IL1RL1: variants seen among roughly 807,000 people sequenced by gnomAD.
IL1RL1 encodes the protein interleukin-1 receptor-like 1.
In IL1RL1, 32 loss-of-function variants were observed where a neutral mutation model predicts 50.9. That is an observed-to-expected ratio of 0.63 (90% confidence interval 0.47 to 0.84). The LOEUF is 0.84. IL1RL1 is among the 40% of genes least tolerant of loss of function. The pLI is 0.00. For synonymous variants in IL1RL1, 275 were observed against 236.0 expected, an observed-to-expected ratio of 1.17 and a Z score of -1.51; for missense variants, 773 against 662.9, an observed-to-expected ratio of 1.17 and a Z score of -1.82.
intron 9 of IL1RL1, 127 bp downstream of exon 9, chr2:102,348,218 A>G: frequency 1.4e-6 from 1 of 714,392 alleles, no homozygotes. Context: ...CTAATCTGTT[A>G]TCAGTGAGTT....
intron 10 of IL1RL1, among the ~76,000 whole-genome samples, chr2:102,350,019 G>A (rs1281739941): frequency 6.6e-6 from 1 of 152,282 alleles, no homozygotes; most frequent in Non-Finnish European, 1.5e-5. Flanking sequence ...AGATGTAAAG[G>A]TATGAACAAC....
In IL1RL1 at chr2:102,316,942, A is replaced by G. The variant is rs1234829143; in HGVS notation, c.-150+5319A>G. 4.6e-5 allele frequency among the ~76,000 whole-genome samples: 7 copies of G among 152,136 alleles called. No individual in the cohort carries two copies. The East Asian group carries it at 5.8e-4, about 13-fold the overall frequency. Reference sequence around the variant, plus strand: ...ATTCAAAGCATTCTGAAATTGTACAACTCGCTCAGCACTTGTATTATTTAC... The same window carrying G: ...ATTCAAAGCATTCTGAAATTGTACAGCTCGCTCAGCACTTGTATTATTTAC... On this transcript the variant is annotated intron_variant, in intron 1 of 10. Transcript: ENST00000233954.
intron 8 of IL1RL1, chr2:102,345,844 G>A (rs1233549128): frequency 2.0e-6 from 2 of 985,316 alleles, no homozygotes; most frequent in African/African-American, 3.5e-5. Flanking sequence ...GCTTGGGGTG[G>A]TGGTGGGCCC....
At chr2:102,337,977 A>G (rs1448524457) in intron 1 of IL1RL1, 139 bp from the exon 2 acceptor site, 1 of 230,144 alleles carries the variant, frequency 4.3e-6, no homozygotes, top group Non-Finnish European at 8.4e-6. Context: ...CAATGCTTGC[A>G]TATCTGAAAC....
At chr2:102,346,793 AC>A (rs1186247576) in intron 8 of IL1RL1, among the ~76,000 whole-genome samples, 2 of 152,216 alleles carry the variant, frequency 1.3e-5, no homozygotes, top group African/African-American at 4.8e-5. Flanking sequence ...GAACTGATAA[AC>A]TATTAGAGGT....
In IL1RL1 at chr2:102,339,022, GGTATTTATACCT is replaced by G; in HGVS notation, c.253_264del (p.Tyr85_Ile88del). On this transcript the variant is annotated inframe_deletion, in exon 3 of 11. Coordinates refer to ENST00000233954, the MANE Select transcript of IL1RL1 (RefSeq NM_016232.5). ...TCTACCAGCTGCAGTTGCTGATTCT[GGTATTTATACCT>G]GTATTGTCAGAAGGTATTATGCAGA... 6.2e-7 allele frequency: 1 copy of G among 1,613,332 alleles called. No individual in the cohort carries two copies. Among genetic ancestry groups the G allele is most frequent in the Non-Finnish European group, 8.5e-7 (1 of 1,179,404 alleles).
chr2:102,348,724 C>T (rs548064904), intron 9 of IL1RL1, among the ~76,000 whole-genome samples: 82 of 152,298 alleles, frequency 5.4e-4, no homozygotes, highest in Middle Eastern at 3.4e-3. Flanking sequence ...AATTTTTTCA[C>T]TTCCCCAGGG....
chr2:102,333,828 A>C (rs951779333), intron 1 of IL1RL1, among the ~76,000 whole-genome samples: 1 of 152,130 alleles, frequency 6.6e-6, no homozygotes, highest in African/African-American at 2.4e-5. Flanking sequence ...ATGAGTAAGA[A>C]CATGTGGTAT....
chr2:102,350,253 C>T (rs1490711678), intron 10 of IL1RL1, among the ~76,000 whole-genome samples: 1 of 152,248 alleles, frequency 6.6e-6, no homozygotes, highest in African/African-American at 2.4e-5. Context: ...CCTGCAGGGA[C>T]TCCTGTTGTT....
chr2:102,333,485 G>A (rs1243759902), intron 1 of IL1RL1, among the ~76,000 whole-genome samples: 2 of 152,194 alleles, frequency 1.3e-5, no homozygotes, highest in African/African-American at 4.8e-5. Context: ...AATTTTCTTT[G>A]GGGCAAGGGA....
chr2:102,319,297 T>C (rs1676768328), intron 1 of IL1RL1, among the ~76,000 whole-genome samples: 1 of 152,304 alleles, frequency 6.6e-6, no homozygotes, highest in East Asian at 1.9e-4. Context: ...CTAGTGATTG[T>C]TACCAAACTG....
chr2:102,314,008 G>T (rs1194375792), intron 1 of IL1RL1, among the ~76,000 whole-genome samples: 2 of 152,342 alleles, frequency 1.3e-5, no homozygotes, highest in East Asian at 3.9e-4. Flanking sequence ...AATAGGGGCT[G>T]AGGCCTTGGC....
chr2:102,322,855 T>C (rs1052175996), intron 1 of IL1RL1, among the ~76,000 whole-genome samples: 37 of 152,164 alleles, frequency 2.4e-4, no homozygotes, highest in African/African-American at 8.2e-4. Flanking sequence ...TAGATTATAA[T>C]TTGCCTATTG....
intron 1 of IL1RL1, among the ~76,000 whole-genome samples, chr2:102,334,318 CAAG>C (rs754807057): frequency 5.9e-5 from 9 of 151,980 alleles, no homozygotes; most frequent in Non-Finnish European, 1.2e-4. Context: ...TTGGGTGAAG[CAAG>C]AAGGAGTTTG....
chr2:102,338,891 A>T lies in IL1RL1; in HGVS notation c.116A>T (p.Gln39Leu), dbSNP rs1170719405. 2 of 1,613,896 alleles carry T rather than the reference A, an allele frequency of 1.2e-6. No homozygotes were observed. The highest frequency in any genetic ancestry group is 1.7e-6 in the Non-Finnish European group (2 of 1,179,808). Residue 39 changes from glutamine to leucine, a missense_variant, in exon 3 of 11, where the codon CAA (glutamine) becomes CTA (leucine). Coordinates refer to ENST00000233954, the MANE Select transcript of IL1RL1 (RefSeq NM_016232.5). ...GCTTTAATTGTAAGATGTCCTAGAC[A>T]AGGAAAACCTAGTTACACCGTGGAT... ...NEALIVRCPR[Q>L]GKPSYTVDWY...
chr2:102,340,956 C>G, intron 5 of IL1RL1, 128 bp downstream of exon 5: 1 of 752,286 alleles, frequency 1.3e-6, no homozygotes, highest in Non-Finnish European at 2.1e-6. Context: ...TCCATCTTAT[C>G]TTATACATTC....
At chr2:102,311,943 AT>A (rs1676502175) in intron 1 of IL1RL1, among the ~76,000 whole-genome samples, 1 of 38,424 alleles carries the variant, frequency 2.6e-5, no homozygotes, top group Admixed American at 4.3e-4. Flanking sequence ...TATATATAAT[AT>A]TATATATAAT....
chr2:102,311,966 ATAATATT>A (rs1559592115), intron 1 of IL1RL1, among the ~76,000 whole-genome samples: 2 of 35,326 alleles, frequency 5.7e-5, no homozygotes, highest in East Asian at 2.8e-3. Flanking sequence ...TATATTATAT[ATAATATT>A]ATATATAATA....
intron 1 of IL1RL1, among the ~76,000 whole-genome samples, chr2:102,334,307 A>G (rs923187126): frequency 6.6e-6 from 1 of 151,802 alleles, no homozygotes; most frequent in Non-Finnish European, 1.5e-5. Flanking sequence ...GGAGGGGAGG[A>G]TTGGGTGAAG....
Sources: gnomAD v4.1 joint callset for allele counts (sites outside exome capture counted in the v4.1 genomes callset) on GRCh38, gnomAD v4.1.1 for gene constraint, MANE v1.5 for transcripts, NCBI Gene and HGNC (gene_info 2026-07-23, HGNC 2026-07-21) for gene names.